The following HCN1 variants were observed in gnomAD, a reference collection of about 807,000 sequenced individuals.
The protein encoded by HCN1 is potassium/sodium hyperpolarization-activated cyclic nucleotide-gated channel 1.
In HCN1, 13 loss-of-function variants were observed where a neutral mutation model predicts 78.9. That is an observed-to-expected ratio of 0.16 (90% CI 0.11 to 0.26). The LOEUF is 0.26. Among genes scored for constraint, HCN1 ranks in the 10% least tolerant of loss-of-function variants. The pLI is 1.00. For missense variants in HCN1, 810 were observed against 1,154.3 expected (o/e 0.70, Z 4.32); for synonymous variants, 552 against 455.5 (o/e 1.21, Z -2.70).
chr5:45,340,575 G>A (rs1746556613), intron 5 of HCN1, among the ~76,000 whole-genome samples: 1 of 151,916 alleles, frequency 6.6e-6, no homozygotes, highest in Non-Finnish European at 1.5e-5. Flanking sequence ...AATCCAATCT[G>A]GTTCCAGTGT....
intron 5 of HCN1, among the ~76,000 whole-genome samples, chr5:45,309,576 G>A (rs1408784216): frequency 6.6e-6 from 1 of 152,096 alleles, no homozygotes; most frequent in Non-Finnish European, 1.5e-5. Context: ...TGAACATGAA[G>A]TGATGTTGAA....
intron 3 of HCN1, among the ~76,000 whole-genome samples, chr5:45,448,163 T>C (rs1480445047): frequency 6.6e-6 from 1 of 152,162 alleles, no homozygotes; most frequent in African/African-American, 2.4e-5. Context: ...TCATATTCCA[T>C]GGAAAAACAG....
intron 2 of HCN1, among the ~76,000 whole-genome samples, chr5:45,550,090 C>T (rs962446039): frequency 2.7e-4 from 41 of 152,000 alleles, no homozygotes; most frequent in Non-Finnish European, 4.0e-4. Context: ...GTCAGTGTGG[C>T]GATTCCTCAG....
intron 2 of HCN1, among the ~76,000 whole-genome samples, chr5:45,634,666 G>A (rs1308313090): frequency 4.0e-5 from 6 of 151,882 alleles, no homozygotes; most frequent in Non-Finnish European, 7.4e-5. Flanking sequence ...AAGTTGTCTC[G>A]CTTCTACAAC....
chr5:45,573,142 A>C (rs1743867984), intron 2 of HCN1, among the ~76,000 whole-genome samples: 1 of 152,138 alleles, frequency 6.6e-6, no homozygotes, highest in South Asian at 2.1e-4. Flanking sequence ...TATGCATATA[A>C]ATGTCTCTAT....
At chr5:45,335,134 A>G (rs962435589) in intron 5 of HCN1, among the ~76,000 whole-genome samples, 9 of 151,956 alleles carry the variant, frequency 5.9e-5, no homozygotes, top group African/African-American at 2.2e-4. Context: ...TTCACAATCC[A>G]TTGTTTAAAA....
At chr5:45,494,470 G>C (rs1237289674) in intron 2 of HCN1, among the ~76,000 whole-genome samples, 5 of 151,624 alleles carry the variant, frequency 3.3e-5, no homozygotes, top group Non-Finnish European at 7.4e-5. Context: ...TTGTAAATTT[G>C]TTTGAGTTCA....
chr5:45,509,412 A>G (rs1026279884), intron 2 of HCN1, among the ~76,000 whole-genome samples: 2 of 152,112 alleles, frequency 1.3e-5, no homozygotes, highest in African/African-American at 4.8e-5. Flanking sequence ...AGGGAAAAAA[A>G]AGCATTTGAA....
intron 4 of HCN1, among the ~76,000 whole-genome samples, chr5:45,377,045 G>C (rs1362667989): frequency 1.3e-5 from 2 of 151,960 alleles, no homozygotes; most frequent in East Asian, 3.9e-4. Context: ...ATAAGAAAAG[G>C]TTTGACTTAG....
At position 45,366,175 on chromosome 5, in the gene HCN1, TG is replaced by T. The variant is rs1237986145; in HGVS notation, c.1231-12930del. Among the ~76,000 whole-genome samples, 6 of 151,634 alleles carry T rather than the reference TG, an allele frequency of 4.0e-5. No individual in the cohort carries two copies. In the South Asian group the frequency reaches 1.2e-3, roughly 31 times the overall value. ...TTACATTATAGCATTTGTGTGTGTG[TG>T]TGTGTGTGTGTGTGTATGTGTGTAC... On this transcript the variant is annotated intron_variant, in intron 4 of 7. Transcript: ENST00000303230.
intron 2 of HCN1, among the ~76,000 whole-genome samples, chr5:45,524,516 A>C (rs575561402): frequency 6.6e-6 from 1 of 150,402 alleles, no homozygotes; most frequent in African/African-American, 2.4e-5. Context: ...TTCCATTTGT[A>C]TCCTCTTTTA....
intron 5 of HCN1, among the ~76,000 whole-genome samples, chr5:45,337,572 G>C (rs905158349): frequency 1.3e-5 from 2 of 152,024 alleles, no homozygotes; most frequent in African/African-American, 4.8e-5. Context: ...TTTTTTCCAC[G>C]AAGTAATTAC....
rs576750192 is a variant in HCN1 at position 45,532,054 on chromosome 5, C to T, written c.850-70047G>A. ...GACTCCGTCTCAAAATAAAAATAAA[C>T]CAACCAAACAAAAGACATTTCTGAG... On this transcript the variant is annotated intron_variant, in intron 2 of 7. Transcript: ENST00000303230. Among the ~76,000 whole-genome samples the T allele has an allele frequency of 2.0e-5, 3 of 152,228 alleles. No homozygotes were observed. The East Asian group carries it at 5.8e-4, about 29-fold the overall frequency.
intron 2 of HCN1, among the ~76,000 whole-genome samples, chr5:45,484,093 C>G (rs894177877): frequency 6.6e-6 from 1 of 152,086 alleles, no homozygotes; most frequent in African/African-American, 2.4e-5. Context: ...GTAGTGAAAG[C>G]TGTATTTTAA....
At chr5:45,465,677 C>A (rs2066516728) in intron 2 of HCN1, among the ~76,000 whole-genome samples, 1 of 152,164 alleles carries the variant, frequency 6.6e-6, no homozygotes, top group African/African-American at 2.4e-5. Context: ...ATCACTTGAA[C>A]CTGGGAGGTG....
At chr5:45,648,096 G>A (rs1270449445) in intron 1 of HCN1, among the ~76,000 whole-genome samples, 1 of 152,160 alleles carries the variant, frequency 6.6e-6, no homozygotes, top group Non-Finnish European at 1.5e-5. Flanking sequence ...CCCAGGGCCT[G>A]GCATATAATT....
Position 45,658,426 on chromosome 5 carries a change from G to T in HCN1, c.426-12818C>A, listed in dbSNP as rs189741632. Among the ~76,000 whole-genome samples, 22 of 152,236 alleles carry T rather than the reference G, an allele frequency of 1.4e-4. 1 individual carries two copies. The highest frequency in any genetic ancestry group is 4.8e-4 in the African/African-American group (20 of 41,578). On this transcript the variant is annotated intron_variant, in intron 1 of 7. Coordinates refer to ENST00000303230, the MANE Select transcript of HCN1 (RefSeq NM_021072.4). Reference sequence around the variant, plus strand: ...ACTAAAGAGCTTCTGCATAGCAAAAGAAACTACCATCAGAGGGGGAGGAGC... The same window carrying T: ...ACTAAAGAGCTTCTGCATAGCAAAATAAACTACCATCAGAGGGGGAGGAGC...
intron 6 of HCN1, among the ~76,000 whole-genome samples, chr5:45,274,235 G>A (rs1447596821): frequency 6.6e-6 from 1 of 151,994 alleles, no homozygotes; most frequent in African/African-American, 2.4e-5. Context: ...ATTCCTAATT[G>A]CACAATTATT....
At chr5:45,531,574 TTTAA>T (rs1742851925) in intron 2 of HCN1, among the ~76,000 whole-genome samples, 1 of 152,152 alleles carries the variant, frequency 6.6e-6, no homozygotes, top group South Asian at 2.1e-4. Context: ...TCCCTTCCCC[TTTAA>T]TTTATCTTGC....
Sources: allele counts gnomAD v4.1 joint callset (sites outside exome capture counted in the v4.1 genomes callset), GRCh38; gene constraint gnomAD v4.1.1; transcripts MANE v1.5; gene names NCBI Gene and HGNC (gene_info 2026-07-23, HGNC 2026-07-21).